The following KCNH7 variants were observed in gnomAD, a reference collection of about 807,000 sequenced individuals.
KCNH7 encodes the protein voltage-gated inwardly rectifying potassium channel KCNH7.
In KCNH7, 49 loss-of-function variants were observed where a neutral mutation model predicts 120.8. The observed-to-expected ratio is 0.41, with a 90% CI of 0.32 to 0.51. The LOEUF (loss-of-function observed/expected upper bound fraction) is 0.51, where lower values mean the gene tolerates loss of function less well. KCNH7 is among the 20% of genes least tolerant of loss of function. The pLI is 0.38. For synonymous variants in KCNH7, 547 were observed against 516.1 expected (o/e 1.06, Z -0.81); for missense variants, 1,097 against 1,446.6 (o/e 0.76, Z 3.92).
chr2:162,503,755 A>T (rs1321740050), intron 6 of KCNH7, among the ~76,000 whole-genome samples: 2 of 152,080 alleles, frequency 1.3e-5, no homozygotes, highest in Non-Finnish European at 2.9e-5. Context: ...CGCTTGCTTG[A>T]CAAATTTTAA....
At chr2:162,554,592 C>T (rs1692793850) in intron 2 of KCNH7, among the ~76,000 whole-genome samples, 1 of 152,112 alleles carries the variant, frequency 6.6e-6, no homozygotes, top group African/African-American at 2.4e-5. Context: ...TTGTCCCTTC[C>T]TCCACCTTCA....
rs1688570151 is a variant in KCNH7 at position 162,446,242 on chromosome 2, A to G, written c.1330T>C (p.Cys444Arg). The change falls in exon 7 of 16, where the codon TGT (cysteine) becomes CGT (arginine). Residue 444 changes from cysteine (C) to arginine (R), a missense_variant. Physicochemically the swap from Cys to Arg is radical, Grantham distance 180. This residue lies in a region of KCNH7 where 109 missense variants were observed against 196.8 expected (regional missense o/e 0.55). Coordinates refer to ENST00000332142, the MANE Select transcript of KCNH7 (RefSeq NM_033272.4). ...NDREEQKRRE[C>R]GYSCSPLNVV... is the part of the protein sequence containing the mutation. ...TTCAAAGGGCTACAAGAATAGCCAC[A>G]TTCTCGTCTTTTCTGTTCTTCTCTG... is the stretch of plus-strand genomic sequence containing the variant. The G allele has an allele frequency of 1.9e-6, 3 of 1,613,690 alleles. No homozygotes were observed. The highest frequency in any genetic ancestry group is 2.5e-6 in the Non-Finnish European group (3 of 1,179,744).
At chr2:162,765,568 C>T (rs1038423521) in intron 2 of KCNH7, among the ~76,000 whole-genome samples, 2 of 152,032 alleles carry the variant, frequency 1.3e-5, no homozygotes, top group African/African-American at 2.4e-5. Flanking sequence ...TCCTAACAAG[C>T]AGTGTTTGTA....
intron 7 of KCNH7, among the ~76,000 whole-genome samples, chr2:162,442,930 A>G (rs999025705): frequency 6.6e-6 from 1 of 152,156 alleles, no homozygotes; most frequent in Non-Finnish European, 1.5e-5. Flanking sequence ...TTATTTATGT[A>G]CTTATGCATT....
intron 4 of KCNH7, among the ~76,000 whole-genome samples, chr2:162,513,467 C>CTCCTTCCTTCCTTCCTTCCTTCCT (rs66776235): frequency 3.1e-4 from 32 of 104,704 alleles, no homozygotes; most frequent in Middle Eastern, 5.9e-3. Flanking sequence ...CCTTCCCTCC[C>CTCCTTCCTTCCTTCCTTCCTTCCT]TCCTTCCTTC....
intron 1 of KCNH7, among the ~76,000 whole-genome samples, chr2:162,837,260 C>T (rs1685695280): frequency 6.6e-6 from 1 of 152,142 alleles, no homozygotes; most frequent in African/African-American, 2.4e-5. Context: ...ATGTTACACA[C>T]ATCATGTTAA....
intron 3 of KCNH7, among the ~76,000 whole-genome samples, chr2:162,533,854 A>G (rs1574072608): frequency 6.6e-6 from 1 of 151,594 alleles, no homozygotes. Context: ...TTGTAGCTTG[A>G]TATTCTGTAA....
At chr2:162,651,453 G>A (rs1684562137) in intron 2 of KCNH7, among the ~76,000 whole-genome samples, 1 of 152,042 alleles carries the variant, frequency 6.6e-6, no homozygotes, top group Non-Finnish European at 1.5e-5. Context: ...TTATAAGTGA[G>A]AACATACGAT....
intron 2 of KCNH7, among the ~76,000 whole-genome samples, chr2:162,621,642 T>C (rs769373991): frequency 6.6e-6 from 1 of 152,160 alleles, no homozygotes; most frequent in Non-Finnish European, 1.5e-5. Flanking sequence ...AGTAAGTATA[T>C]ATTCAGTACT....
rs1029694140 is a variant in KCNH7 at position 162,446,302 on chromosome 2, A to C, written c.1270T>G (p.Phe424Val). 1 of 1,613,994 alleles carries C rather than the reference A, an allele frequency of 6.2e-7. No homozygotes were observed. The highest frequency in any genetic ancestry group is 8.5e-7 in the Non-Finnish European group (1 of 1,179,896). ...AGGAAGGCTGCAGAGTAGGGAGTAA[A>C]TATAGCAGTGTATATGACCAACAGC... ...ILLLVIYTAI[F>V]TPYSAAFLLN... The change falls in exon 7 of 16, where the codon TTT (phenylalanine) becomes GTT (valine). Residue 424 changes from phenylalanine (F) to valine (V), a missense_variant. Coordinates refer to ENST00000332142, the MANE Select transcript of KCNH7 (RefSeq NM_033272.4).
chr2:162,493,892 G>T (rs1371143776), intron 6 of KCNH7, among the ~76,000 whole-genome samples: 1 of 152,100 alleles, frequency 6.6e-6, no homozygotes, highest in Admixed American at 6.6e-5. Context: ...TGGAAGATTT[G>T]TAAAAAAGAA....
Position 162,371,679 on chromosome 2 carries a change from T to A in KCNH7, c.*150A>T. On this transcript the variant is annotated 3_prime_UTR_variant, in exon 16 of 16. Coordinates refer to ENST00000332142, the MANE Select transcript of KCNH7 (RefSeq NM_033272.4). ...ACATCCTAACTGCTCAGTTTTACCT[T>A]ACAAGCTTCAATTTAGGAAAATATA... is the stretch of plus-strand genomic sequence containing the variant. 1 of 880,370 alleles carries A rather than the reference T, an allele frequency of 1.1e-6. No homozygotes were observed. The highest frequency in any genetic ancestry group is 1.7e-6 in the Non-Finnish European group (1 of 603,012). 54.5% of individuals were successfully genotyped at this position (880,370 alleles called of 1,614,324 possible). A position where few individuals can be genotyped will look rare whatever the true frequency, so the allele number is the denominator to read the frequency against.
intron 2 of KCNH7, among the ~76,000 whole-genome samples, chr2:162,653,929 C>T (rs1684652197): frequency 6.6e-6 from 1 of 152,142 alleles, no homozygotes; most frequent in Non-Finnish European, 1.5e-5. Context: ...TTTGGTACAA[C>T]TGGCCATCCA....
chr2:162,811,429 G>C (rs1409385833), intron 2 of KCNH7, among the ~76,000 whole-genome samples: 1 of 152,054 alleles, frequency 6.6e-6, no homozygotes, highest in Non-Finnish European at 1.5e-5. Context: ...GTTTCCATGA[G>C]CCATCTAGTT....
At chr2:162,477,439 T>C (rs1574006140) in intron 6 of KCNH7, among the ~76,000 whole-genome samples, 1 of 152,262 alleles carries the variant, frequency 6.6e-6, no homozygotes, top group Non-Finnish European at 1.5e-5. Flanking sequence ...GCAAGCCTGC[T>C]TGAGAAAAAA....
chr2:162,778,325 T>A (rs1683333860), intron 2 of KCNH7, among the ~76,000 whole-genome samples: 2 of 152,190 alleles, frequency 1.3e-5, no homozygotes, highest in African/African-American at 4.8e-5. Flanking sequence ...CCTGTTTTAT[T>A]CATTTCTGTT....
chr2:162,655,602 AGGTGAAACC>A (rs1319784381), intron 2 of KCNH7, among the ~76,000 whole-genome samples: 1 of 151,676 alleles, frequency 6.6e-6, no homozygotes, highest in Non-Finnish European at 1.5e-5. Context: ...CTGGCCAACA[AGGTGAAACC>A]CCATCTCTAC....
intron 2 of KCNH7, among the ~76,000 whole-genome samples, chr2:162,793,334 A>C (rs1032734028): frequency 6.6e-6 from 1 of 151,970 alleles, no homozygotes; most frequent in African/African-American, 2.4e-5. Context: ...ATCAGCAAAA[A>C]TTACTAATGT....
At chr2:162,482,231 G>C (rs1689953426) in intron 6 of KCNH7, among the ~76,000 whole-genome samples, 1 of 152,188 alleles carries the variant, frequency 6.6e-6, no homozygotes. Context: ...ATATAGAGAA[G>C]AGGATGGCAA....
Sources: gnomAD v4.1 joint callset for allele counts (sites outside exome capture counted in the v4.1 genomes callset) on GRCh38, gnomAD v4.1.1 for gene constraint, gnomAD v4.1.1 regional missense constraint, MANE v1.5 for transcripts, NCBI Gene and HGNC (gene_info 2026-07-23, HGNC 2026-07-21) for gene names.